The following ITPRID1 variants were observed in gnomAD, a reference collection of about 807,000 sequenced individuals.
ITPRID1 encodes protein ITPRID1.
ITPRID1 carries 96 observed loss-of-function variants against 95.4 expected under a neutral mutation model. That is an observed-to-expected ratio of 1.01 (90% CI 0.85 to 1.19). The LOEUF is 1.19. Ranked by LOEUF, ITPRID1 falls within the 50% of genes most tolerant of loss-of-function variation. ITPRID1 has a pLI of 0.00. For synonymous variants in ITPRID1, 510 were observed against 453.6 expected, an observed-to-expected ratio of 1.12 and a Z score of -1.58; for missense variants, 1,339 against 1,252.9, an observed-to-expected ratio of 1.07 and a Z score of -1.04.
chr7:31,616,149 A>C (rs1384777274), intron 10 of ITPRID1, among the ~76,000 whole-genome samples: 1 of 152,144 alleles, frequency 6.6e-6, no homozygotes, highest in African/African-American at 2.4e-5. Context: ...AATATAAATT[A>C]TTGGAATTCT....
intron 10 of ITPRID1, among the ~76,000 whole-genome samples, chr7:31,589,518 T>C (rs186034913): frequency 9.7e-4 from 147 of 151,910 alleles, no homozygotes; most frequent in African/African-American, 3.3e-3. Flanking sequence ...TACAAAGAAA[T>C]TACAAAGAAA....
chr7:31,554,102 G>C (rs1366239644), intron 3 of ITPRID1, among the ~76,000 whole-genome samples: 1 of 152,146 alleles, frequency 6.6e-6, no homozygotes, highest in Non-Finnish European at 1.5e-5. Context: ...GAGAGGCTTT[G>C]TGGTGATTTA....
At chr7:31,600,473 C>T (rs1786344013) in intron 10 of ITPRID1, among the ~76,000 whole-genome samples, 1 of 152,198 alleles carries the variant, frequency 6.6e-6, no homozygotes, top group Non-Finnish European at 1.5e-5. Flanking sequence ...TATTTCATCA[C>T]ATAGTGGTTT....
intron 10 of ITPRID1, among the ~76,000 whole-genome samples, chr7:31,632,440 C>A (rs545587493): frequency 8.2e-4 from 125 of 152,050 alleles, no homozygotes; most frequent in Non-Finnish European, 1.7e-3. Flanking sequence ...GAGCGAGACT[C>A]CTTCTCAAAA....
intron 1 of ITPRID1, among the ~76,000 whole-genome samples, chr7:31,549,110 T>G (rs1253790150): frequency 3.3e-5 from 5 of 152,140 alleles, no homozygotes; most frequent in Non-Finnish European, 7.3e-5. Context: ...TATGCAGTTC[T>G]CTTCTTGGCC....
At chr7:31,616,368 T>G (rs1185342346) in intron 10 of ITPRID1, among the ~76,000 whole-genome samples, 1 of 152,158 alleles carries the variant, frequency 6.6e-6, no homozygotes, top group African/African-American at 2.4e-5. Flanking sequence ...ATCAGATTTT[T>G]AAATGTGCAG....
At chr7:31,521,356 T>C (rs1370562062) in intron 1 of ITPRID1, among the ~76,000 whole-genome samples, 3 of 152,222 alleles carry the variant, frequency 2.0e-5, no homozygotes, top group Non-Finnish European at 4.4e-5. Flanking sequence ...ATTAAATTTC[T>C]GAGTATCTTG....
rs1346245426 is a variant in ITPRID1, at chr7:31,578,401, A to T, written c.1137A>T (p.Ala379=). 1.2e-6 allele frequency: 2 copies of T among 1,611,798 alleles called. No individual in the cohort carries two copies. The highest frequency in any genetic ancestry group is 1.7e-6 in the Non-Finnish European group (2 of 1,178,746). The stretch of plus-strand genomic sequence containing the variant: ...AGCTCAAGAGCTTGTCTCATCTTGC[A>T]GGCAAAGGACCAGACTCATTTGAAA... ...TNKLKSLSHL[A]GKGPDSFEME... is the part of the protein sequence containing the mutation. Residue 379 remains alanine, a synonymous_variant, in exon 9 of 15, where the codon GCA becomes GCT. Coordinates refer to ENST00000615280, the MANE Select transcript of ITPRID1 (RefSeq NM_001257967.3).
At chr7:31,526,311 TG>T (rs1783419987) in intron 1 of ITPRID1, among the ~76,000 whole-genome samples, 2 of 152,228 alleles carry the variant, frequency 1.3e-5, no homozygotes, top group South Asian at 4.1e-4. Context: ...ATGGGTTTAT[TG>T]GGGGTTAACC....
At chr7:31,589,931 C>T (rs907914683) in intron 10 of ITPRID1, among the ~76,000 whole-genome samples, 4 of 151,946 alleles carry the variant, frequency 2.6e-5, no homozygotes, top group Non-Finnish European at 5.9e-5. Context: ...AAGATTTCTA[C>T]ATTTTACATG....
At position 31,642,901 on chromosome 7, in the gene ITPRID1, A is replaced by G. The variant is rs762991784; in HGVS notation, c.1531A>G (p.Met511Val). The G allele has an allele frequency of 5.6e-6, 9 of 1,613,888 alleles. No homozygotes were observed. Among genetic ancestry groups the G allele is most frequent in the South Asian group, 5.5e-5 (5 of 91,090 alleles). The change falls in exon 12 of 15, where the codon ATG becomes GTG. Residue 511 changes from methionine to valine, a missense_variant. Physicochemically the swap from Met to Val is conservative, Grantham distance 21. Coordinates refer to ENST00000615280, the MANE Select transcript of ITPRID1 (RefSeq NM_001257967.3). ...GGAGGAAGAGTTTCTGCTTGAGGCC[A>G]TGGAGGGGCCACCAGAGCTGTATAT... ...VMEEEFLLEAMEGPPELYIPD... is the reference protein window; with the variant it reads ...VMEEEFLLEAVEGPPELYIPD...
intron 2 of ITPRID1, among the ~76,000 whole-genome samples, chr7:31,552,688 T>G (rs1784320577): frequency 6.6e-6 from 1 of 152,166 alleles, no homozygotes; most frequent in Non-Finnish European, 1.5e-5. Context: ...ACTGGGTGTG[T>G]CCTCAAGTCT....
chr7:31,550,692 C>CGTGTTTCCTTCCCATTCCA (rs1554283352), intron 2 of ITPRID1, among the ~76,000 whole-genome samples: 5 of 144,916 alleles, frequency 3.5e-5, no homozygotes, highest in East Asian at 2.1e-4. Context: ...TGGTCCCTGA[C>CGTGTTTCCTTCCCATTCCA]CCTTGCTTTT....
intron 5 of ITPRID1, among the ~76,000 whole-genome samples, chr7:31,559,487 C>A (rs778464735): frequency 6.6e-6 from 1 of 152,112 alleles, no homozygotes; most frequent in South Asian, 2.1e-4. Flanking sequence ...ATGGCAAAAT[C>A]CTGTCTCTAC....
chr7:31,611,906 G>C (rs1786885339), intron 10 of ITPRID1, among the ~76,000 whole-genome samples: 1 of 152,010 alleles, frequency 6.6e-6, no homozygotes, highest in South Asian at 2.1e-4. Flanking sequence ...AAATTGGGGA[G>C]TTTGGGGCCA....
chr7:31,623,829 T>C (rs898314682), intron 10 of ITPRID1, among the ~76,000 whole-genome samples: 7 of 152,176 alleles, frequency 4.6e-5, no homozygotes, highest in Non-Finnish European at 7.3e-5. Flanking sequence ...GCAAGTCAAA[T>C]TGTCCCTGTT....
At chr7:31,530,495 A>G (rs947288969) in intron 1 of ITPRID1, among the ~76,000 whole-genome samples, 6 of 152,208 alleles carry the variant, frequency 3.9e-5, no homozygotes, top group Admixed American at 3.9e-4. Context: ...TATATCCCAA[A>G]TAACGGGGCA....
chr7:31,564,140 G>T (rs368432367), intron 5 of ITPRID1, among the ~76,000 whole-genome samples: 1 of 152,170 alleles, frequency 6.6e-6, no homozygotes, highest in African/African-American at 2.4e-5. Flanking sequence ...AGCCAATAAA[G>T]GTGCTAATTA....
intron 8 of ITPRID1, among the ~76,000 whole-genome samples, chr7:31,575,877 G>A (rs1785163328): frequency 1.3e-5 from 1 of 76,162 alleles, no homozygotes. Flanking sequence ...CAAAACTTCA[G>A]GAATGATATT....
Sources: gnomAD v4.1 joint callset for allele counts (sites outside exome capture counted in the v4.1 genomes callset) on GRCh38, gnomAD v4.1.1 for gene constraint, MANE v1.5 for transcripts, NCBI Gene and HGNC (gene_info 2026-07-23, HGNC 2026-07-21) for gene names.